The following KCNK3 variants were observed in gnomAD, a reference collection of about 807,000 sequenced individuals.
The protein encoded by KCNK3 is potassium channel subfamily K member 3.
In KCNK3, 9 loss-of-function variants were observed where a neutral mutation model predicts 27.3. The ratio of observed to expected loss-of-function variants is 0.33; its 90% confidence interval spans 0.20 to 0.57. The LOEUF (loss-of-function observed/expected upper bound fraction) is 0.57. Ranked by LOEUF, KCNK3 falls within the 20% of genes least tolerant of loss-of-function variation. The probability of loss-of-function intolerance (pLI) is 0.87; values close to 1 mark genes in which losing one functional copy is unlikely to be tolerated. For synonymous variants in KCNK3, 278 were observed against 273.8 expected (o/e 1.02, Z -0.15); for missense variants, 391 against 577.7 (o/e 0.68, Z 3.31).
In KCNK3 at chr2:26,728,194, G is replaced by A. The variant is rs1663463203; in HGVS notation, c.811G>A (p.Gly271Ser). Residue 271 changes from glycine to serine, a missense_variant, in exon 2 of 2, where the codon GGC becomes AGC. Coordinates refer to ENST00000302909, the MANE Select transcript of KCNK3 (RefSeq NM_002246.3). ...GCTGCTCACGCGCAACGGGCAGGCG[G>A]GCGGCGGCGGAGGGGGTGGCAGCGC... The part of the protein sequence containing the change: ...RALLTRNGQA[G>S]GGGGGGSAHT... 1 of 1,564,552 alleles carries A rather than the reference G, an allele frequency of 6.4e-7. No individual in the cohort carries two copies.
At chr2:26,700,085 C>G (rs1670288627) in intron 1 of KCNK3, among the ~76,000 whole-genome samples, 1 of 152,188 alleles carries the variant, frequency 6.6e-6, no homozygotes, top group Non-Finnish European at 1.5e-5. Flanking sequence ...ATGGATAGAG[C>G]ATTTAGCCCA....
intron 1 of KCNK3, among the ~76,000 whole-genome samples, chr2:26,697,998 C>G (rs928344852): frequency 5.3e-5 from 8 of 152,296 alleles, no homozygotes; most frequent in Admixed American, 1.3e-4. Context: ...TCCAAACACC[C>G]AGAGAGGTGA....
rs1189477077 is a variant in KCNK3 at position 26,731,378 on chromosome 2, T to G, written c.*2810T>G. 1.3e-5 allele frequency: 2 copies of G among 152,326 alleles called. No homozygotes were observed. Among genetic ancestry groups the G allele is most frequent in the Non-Finnish European group, 1.5e-5 (1 of 68,158 alleles). The allele number at this position is 152,326 out of a possible 1,614,324, so 9.4% of individuals were successfully genotyped here. ...TGAGGTCAGAAGTTCAAGACCAGCC[T>G]GGCCAACATGGTAAAACCCCGTCTC... On this transcript the variant is annotated 3_prime_UTR_variant, in exon 2 of 2. Coordinates refer to ENST00000302909, the MANE Select transcript of KCNK3 (RefSeq NM_002246.3).
chr2:26,700,136 A>T (rs1189896649), intron 1 of KCNK3, among the ~76,000 whole-genome samples: 2 of 152,328 alleles, frequency 1.3e-5, no homozygotes, highest in African/African-American at 4.8e-5. Flanking sequence ...CTCAGTTCAC[A>T]GTTTGGAGAC....
At chr2:26,714,057 C>G (rs1180126069) in intron 1 of KCNK3, among the ~76,000 whole-genome samples, 11 of 150,270 alleles carry the variant, frequency 7.3e-5, no homozygotes, top group Middle Eastern at 6.8e-3. Context: ...GCCTGGGCAA[C>G]AGTGCAAAAC....
Position 26,693,200 on chromosome 2 carries a change from C to T in KCNK3, c.283+42C>T. On this transcript the variant is annotated intron_variant, in intron 1 of 1. Coordinates refer to ENST00000302909, the MANE Select transcript of KCNK3 (RefSeq NM_002246.3). The surrounding 1 kb of genome is among the most constrained non-coding windows in gnomAD (Gnocchi z 5.5). ...CGGGGGGCGGGAACCCAGGGCTGGG[C>T]GCGGGGCTCCGGGAGTCGTCCGGGG... 1 of 1,205,340 alleles carries T rather than the reference C, an allele frequency of 8.3e-7. No individual in the cohort carries two copies. The allele number at this position is 1,205,340 out of a possible 1,614,324, so 74.7% of individuals were successfully genotyped here.
chr2:26,720,472 C>T (rs1005230458), intron 1 of KCNK3, among the ~76,000 whole-genome samples: 1 of 152,188 alleles, frequency 6.6e-6, no homozygotes, highest in African/African-American at 2.4e-5. Flanking sequence ...AAACACTGAC[C>T]TTGGCTGCCG....
chr2:26,729,352 A>G lies in KCNK3; in HGVS notation c.*784A>G, dbSNP rs957109837. 2 of 152,240 alleles carry G rather than the reference A, an allele frequency of 1.3e-5. No homozygotes were observed. Among genetic ancestry groups the G allele is most frequent in the African/African-American group, 2.4e-5 (1 of 41,436 alleles). The allele number at this position is 152,240 out of a possible 1,614,324, so 9.4% of individuals were successfully genotyped here. On this transcript the variant is annotated 3_prime_UTR_variant, in exon 2 of 2. Transcript: ENST00000302909. The stretch of plus-strand genomic sequence containing the variant: ...TGGAACAGAAGACTTCAGACTCACC[A>G]TAATTGCTGATAATTACCCACTCTT...
chr2:26,728,596 G>A lies in KCNK3; in HGVS notation c.*28G>A, dbSNP rs1375211094. On this transcript the variant is annotated 3_prime_UTR_variant, in exon 2 of 2. Transcript: ENST00000302909. ...GCCCCGAGGGGCCTGGAGCACCTGG[G>A]GGCGCGGGCGGGGGACCCCTGCTGG... The A allele has an allele frequency of 2.8e-6, 4 of 1,411,476 alleles. No homozygotes were observed. Among genetic ancestry groups the A allele is most frequent in the Admixed American group, 6.2e-5 (2 of 32,244 alleles). 87.4% of individuals were successfully genotyped at this position (1,411,476 alleles called of 1,614,324 possible).
In KCNK3 at chr2:26,704,435, C is replaced by T. The variant is rs76851928; in HGVS notation, c.283+11277C>T. On this transcript the variant is annotated intron_variant, in intron 1 of 1. Transcript: ENST00000302909. ...CCTCCTTGATTTCTGCTCCGGGCTC[C>T]GAGGCTTGGCATGGACTCAGTGTCC... Among the ~76,000 whole-genome samples the T allele has an allele frequency of 5.9e-5, 9 of 152,284 alleles. No individual in the cohort carries two copies. In the East Asian group the frequency reaches 1.5e-3, roughly 26 times the overall value.
intron 1 of KCNK3, among the ~76,000 whole-genome samples, chr2:26,715,080 C>T (rs142429692): frequency 1.1e-3 from 164 of 152,310 alleles, no homozygotes; most frequent in African/African-American, 3.8e-3. Flanking sequence ...TGCCTTCTGG[C>T]ATGCAGCATC....
At chr2:26,704,629 A>T (rs1670348530) in intron 1 of KCNK3, among the ~76,000 whole-genome samples, 1 of 152,190 alleles carries the variant, frequency 6.6e-6, no homozygotes. Flanking sequence ...AGAGATCTAC[A>T]CAGGCACTGA....
chr2:26,728,289 G>A lies in KCNK3; in HGVS notation c.906G>A (p.Glu302=). ...GCGGCTTCCGCAACGTCTACGCGGA[G>A]GTGCTGCACTTCCAGTCCATGTGCT... ...GGGGFRNVYA[E]VLHFQSMCSC... Residue 302 remains glutamate, a synonymous_variant, in exon 2 of 2, where the codon GAG becomes GAA. Transcript: ENST00000302909. 6.3e-7 allele frequency: 1 copy of A among 1,597,826 alleles called. No homozygotes were observed. Among genetic ancestry groups the A allele is most frequent in the African/African-American group, 1.3e-5 (1 of 74,668 alleles).
At chr2:26,714,154 C>T (rs543309114) in intron 1 of KCNK3, among the ~76,000 whole-genome samples, 10 of 152,122 alleles carry the variant, frequency 6.6e-5, no homozygotes, top group South Asian at 2.1e-4. Context: ...ACCCTCCACA[C>T]GCCAGGCCTT....
In KCNK3 at chr2:26,731,572, T is replaced by G. The variant is rs556647363; in HGVS notation, c.*3004T>G. Reference sequence around the variant, plus strand: ...CAGCCTGAGCGACAGAGTGAGACCCTGTCTAAAAAAAAACAATAATAATAA... The same window carrying G: ...CAGCCTGAGCGACAGAGTGAGACCCGGTCTAAAAAAAAACAATAATAATAA... On this transcript the variant is annotated 3_prime_UTR_variant, in exon 2 of 2. Transcript: ENST00000302909. 1 of 152,090 alleles carries G rather than the reference T, an allele frequency of 6.6e-6. No homozygotes were observed. The highest frequency in any genetic ancestry group is 1.9e-4 in the East Asian group (1 of 5,174). The allele number at this position is 152,090 out of a possible 1,614,324, so 9.4% of individuals were successfully genotyped here.
chr2:26,724,904 G>A (rs887660857), intron 1 of KCNK3, among the ~76,000 whole-genome samples: 9 of 152,072 alleles, frequency 5.9e-5, no homozygotes, highest in East Asian at 1.9e-4. Context: ...AGGAGGGGCC[G>A]GCTTGGCTGG....
In KCNK3 at chr2:26,714,051, G is replaced by A. The variant is rs141578447; in HGVS notation, c.284-13616G>A. ...AGATCGCGCCATTGCACTCCAGCCT[G>A]GGCAACAGTGCAAAACCTCTGTCTT... On this transcript the variant is annotated intron_variant, in intron 1 of 1. Transcript: ENST00000302909. Among the ~76,000 whole-genome samples the A allele has an allele frequency of 4.6e-3, 703 of 151,842 alleles. 8 individuals are homozygous for A. Among genetic ancestry groups the A allele is most frequent in the African/African-American group, 0.016 (672 of 41,430 alleles).
At chr2:26,699,831 G>A (rs6706454) in intron 1 of KCNK3, among the ~76,000 whole-genome samples, 1,703 of 152,316 alleles carry the variant, frequency 0.011, 32 homozygotes, top group African/African-American at 0.039. Flanking sequence ...CACAGTCAAG[G>A]AAAAGGACGC....
intron 1 of KCNK3, among the ~76,000 whole-genome samples, chr2:26,710,541 C>A (rs1663092276): frequency 6.6e-6 from 1 of 152,140 alleles, no homozygotes; most frequent in Non-Finnish European, 1.5e-5. Context: ...CCAGGTGACT[C>A]CAGTGGGAAG....
Sources: allele counts gnomAD v4.1 joint callset (sites outside exome capture counted in the v4.1 genomes callset), GRCh38; gene constraint gnomAD v4.1.1; non-coding constraint Gnocchi (gnomAD v3.1); transcripts MANE v1.5; gene names NCBI Gene and HGNC (gene_info 2026-07-23, HGNC 2026-07-21).